The following OR2J3 variants were observed in gnomAD, a reference collection of about 807,000 sequenced individuals.
OR2J3 encodes the protein olfactory receptor family 2 subfamily J member 3.
A neutral mutation model predicts 18.5 loss-of-function variants in OR2J3; 13 were observed. The ratio of observed to expected loss-of-function variants is 0.70; its 90% CI spans 0.46 to 1.12. OR2J3 has a LOEUF of 1.12. Among genes scored for constraint, OR2J3 ranks in the 50% most tolerant of loss-of-function variants. The pLI, the probability that OR2J3 is intolerant of heterozygous loss-of-function variation, is 0.00. For missense variants in OR2J3, 321 were observed against 371.6 expected (o/e 0.86, Z 1.12); for synonymous variants, 142 against 140.6 (o/e 1.01, Z -0.07).
At chr6:29,109,752 C>A (rs1258517340) in intron 3 of OR2J3, 2 of 151,982 alleles carry the variant, frequency 1.3e-5, no homozygotes, top group Admixed American at 1.3e-4. Flanking sequence ...AAAAGCATCA[C>A]CTAGGAGTCA....
At chr6:29,108,448 T>C (rs1762004334) in intron 1 of OR2J3, 89 bp from the exon 2 acceptor site, 1 of 152,178 alleles carries the variant, frequency 6.6e-6, no homozygotes, top group African/African-American at 2.4e-5. Context: ...ACTTTTAACT[T>C]TTAATTTTTG....
At position 29,112,896 on chromosome 6, in the gene OR2J3, T is replaced by C; in HGVS notation, c.*70T>C. On this transcript the variant is annotated 3_prime_UTR_variant, in exon 4 of 4. Coordinates refer to ENST00000641151, the MANE Select transcript of OR2J3 (RefSeq NM_001005216.4). Reference sequence around the variant, plus strand: ...ACAATGATTCATCCTTCTATTTATTTATCAACCATTCTTTTATTCACTCAC... The same window carrying C: ...ACAATGATTCATCCTTCTATTTATTCATCAACCATTCTTTTATTCACTCAC... 6.7e-7 allele frequency: 1 copy of C among 1,494,592 alleles called. No homozygotes were observed. Among genetic ancestry groups the C allele is most frequent in the Non-Finnish European group, 8.9e-7 (1 of 1,124,406 alleles). 92.6% of individuals were successfully genotyped at this position (1,494,592 alleles called of 1,614,324 possible).
In OR2J3 at chr6:29,112,241, A is replaced by T. The variant is rs765162167; in HGVS notation, c.351A>T (p.Leu117=). The part of the protein sequence containing the change: ...VLALGTTECV[L]LVVMSYDRYA... Reference sequence around the variant, plus strand: ...CACTGGGAACCACAGAGTGTGTCCTACTGGTGGTGATGTCCTATGACCGTT... The same window carrying T: ...CACTGGGAACCACAGAGTGTGTCCTTCTGGTGGTGATGTCCTATGACCGTT... The change falls in exon 4 of 4, where the codon CTA becomes CTT. Residue 117 remains leucine, a synonymous_variant. Coordinates refer to ENST00000641151, the MANE Select transcript of OR2J3 (RefSeq NM_001005216.4). 6 of 1,614,080 alleles carry T rather than the reference A, an allele frequency of 3.7e-6. No homozygotes were observed. Among genetic ancestry groups the T allele is most frequent in the Non-Finnish European group, 5.1e-6 (6 of 1,180,020 alleles).
At position 29,112,392 on chromosome 6, in the gene OR2J3, T is replaced by C. The variant is rs773444579; in HGVS notation, c.502T>C (p.Trp168Arg). The change falls in exon 4 of 4, where the codon TGG becomes CGG. Residue 168 changes from tryptophan to arginine, a missense_variant. By Grantham distance (101) the Trp-to-Arg change is moderately radical. Coordinates refer to ENST00000641151, the MANE Select transcript of OR2J3 (RefSeq NM_001005216.4). ...AGCACTTCATTCCTCCTTCACCTTCTGGGTACCTCTGTGTGGACACCGCCA... is the reference window on the plus strand; with the variant it reads ...AGCACTTCATTCCTCCTTCACCTTCCGGGTACCTCTGTGTGGACACCGCCA... ...NSALHSSFTF[W>R]VPLCGHRQVD... 1 of 1,614,162 alleles carries C rather than the reference T, an allele frequency of 6.2e-7. No homozygotes were observed. Among genetic ancestry groups the C allele is most frequent in the Non-Finnish European group, 8.5e-7 (1 of 1,180,014 alleles).
chr6:29,111,555 C>A, intron 3 of OR2J3: 1 of 247,630 alleles, frequency 4.0e-6, no homozygotes, highest in Non-Finnish European at 7.7e-6. Flanking sequence ...TATTCTGTTC[C>A]CCATCAAATT....
intron 3 of OR2J3, chr6:29,109,788 T>C (rs1762059233): frequency 1.3e-5 from 2 of 152,164 alleles, no homozygotes; most frequent in Admixed American, 6.5e-5. Flanking sequence ...TATATTTTAT[T>C]TTTAACAAAA....
Position 29,112,772 on chromosome 6 carries a change from C to T in OR2J3, c.882C>T (p.Thr294=). The T allele has an allele frequency of 1.2e-6, 2 of 1,613,786 alleles. No individual in the cohort carries two copies. Among genetic ancestry groups the T allele is most frequent in the Non-Finnish European group, 1.7e-6 (2 of 1,179,802 alleles). ...VTPSLNPLIY[T]LRNKVVRGAV... ...CTAGTCTTAACCCTCTAATCTACAC[C>T]CTCAGAAACAAAGTTGTAAGAGGGG... Residue 294 remains threonine, a synonymous_variant, in exon 4 of 4, where the codon ACC becomes ACT. Transcript: ENST00000641151.
chr6:29,108,736 C>G (rs1762016737), intron 2 of OR2J3, 82 bp downstream of exon 2: 1 of 152,138 alleles, frequency 6.6e-6, no homozygotes, highest in African/African-American at 2.4e-5. Context: ...TTTATCCTTT[C>G]TTTGTGTTAA....
At position 29,114,599 on chromosome 6, in the gene OR2J3, C is replaced by A. The variant is rs562034876; in HGVS notation, c.*1773C>A. The A allele has an allele frequency of 9.2e-5, 14 of 152,252 alleles. No homozygotes were observed. Among genetic ancestry groups the A allele is most frequent in the Admixed American group, 1.3e-4 (2 of 15,278 alleles). The allele number at this position is 152,252 out of a possible 1,614,324, so 9.4% of individuals were successfully genotyped here. On this transcript the variant is annotated 3_prime_UTR_variant, in exon 4 of 4. Coordinates refer to ENST00000641151, the MANE Select transcript of OR2J3 (RefSeq NM_001005216.4). ...ATACTTACCTGTTTTGTGGTGAGAA[C>A]ATTTAGGATCTATTATCTTAGCAGT...
rs757035122 is a variant in OR2J3, at chr6:29,112,262, C to T, written c.372C>T (p.Asp124=). 1.5e-5 allele frequency: 24 copies of T among 1,614,010 alleles called. No individual in the cohort carries two copies. The highest frequency in any genetic ancestry group is 1.6e-4 in the Middle Eastern group (1 of 6,084). The change falls in exon 4 of 4, where the codon GAC becomes GAT. Residue 124 remains aspartate, a synonymous_variant. Coordinates refer to ENST00000641151, the MANE Select transcript of OR2J3 (RefSeq NM_001005216.4). ...ECVLLVVMSY[D]RYAAVCRPLH... The stretch of plus-strand genomic sequence containing the variant: ...TCCTACTGGTGGTGATGTCCTATGA[C>T]CGTTATGCAGCTGTGTGTAGACCTT...
chr6:29,112,077 T>A lies in OR2J3; in HGVS notation c.187T>A (p.Tyr63Asn), dbSNP rs768177742. The change falls in exon 4 of 4, where the codon TAC becomes AAC. Residue 63 changes from tyrosine to asparagine, a missense_variant. Tyr to Asn is a moderately radical substitution (Grantham distance 143). Coordinates refer to ENST00000641151, the MANE Select transcript of OR2J3 (RefSeq NM_001005216.4). Reference protein sequence around the residue: ...YLDSHLHTPMYFFLSNLSFLD... With the variant: ...YLDSHLHTPMNFFLSNLSFLD... ...GGACTCCCATCTGCACACACCAATG[T>A]ACTTCTTCCTTTCAAACCTCTCATT... The A allele has an allele frequency of 3.7e-6, 6 of 1,614,046 alleles. No individual in the cohort carries two copies. In the African/African-American group the frequency reaches 8.0e-5, roughly 22 times the overall value.
Position 29,112,686 on chromosome 6 carries a change from C to T in OR2J3, c.796C>T (p.Pro266Ser). 2 of 1,614,044 alleles carry T rather than the reference C, an allele frequency of 1.2e-6. No individual in the cohort carries two copies. Among genetic ancestry groups the T allele is most frequent in the Non-Finnish European group, 1.7e-6 (2 of 1,179,974 alleles). ...IPAMCMYLQP[P>S]SGNSQDQGKF... ...GGCCATGTGCATGTATCTCCAGCCACCATCAGGAAATTCTCAAGATCAAGG... is the reference window on the plus strand; with the variant it reads ...GGCCATGTGCATGTATCTCCAGCCATCATCAGGAAATTCTCAAGATCAAGG... The change falls in exon 4 of 4, where the codon CCA becomes TCA. Residue 266 changes from proline (P) to serine (S), a missense_variant. Physicochemically the swap from Pro to Ser is moderately conservative, Grantham distance 74. Coordinates refer to ENST00000641151, the MANE Select transcript of OR2J3 (RefSeq NM_001005216.4).
rs755458130 is a variant in OR2J3, at chr6:29,112,462, C to T, written c.572C>T (p.Ser191Leu). 12 of 1,613,954 alleles carry T rather than the reference C, an allele frequency of 7.4e-6. No individual in the cohort carries two copies. Among genetic ancestry groups the T allele is most frequent in the East Asian group, 4.5e-5 (2 of 44,888 alleles). ...FCEVPALLRL[S>L]CVDTHVNELT... ...GAAGTTCCAGCACTTCTGCGATTATCGTGTGTTGATACCCATGTCAATGAG... is the reference window on the plus strand; with the variant it reads ...GAAGTTCCAGCACTTCTGCGATTATTGTGTGTTGATACCCATGTCAATGAG... Residue 191 changes from serine (S) to leucine (L), a missense_variant, in exon 4 of 4, where the codon TCG (serine) becomes TTG (leucine). Coordinates refer to ENST00000641151, the MANE Select transcript of OR2J3 (RefSeq NM_001005216.4).
At chr6:29,111,422 A>G (rs55935025) in intron 3 of OR2J3, 5,841 of 159,460 alleles carry the variant, frequency 0.037, 148 homozygotes, top group South Asian at 0.092. Flanking sequence ...CTTAAGATCA[A>G]TAAAATCACT....
At position 29,113,094 on chromosome 6, in the gene OR2J3, C is replaced by G; in HGVS notation, c.*268C>G. 3 of 375,678 alleles carry G rather than the reference C, an allele frequency of 8.0e-6. No individual in the cohort carries two copies. In the South Asian group the frequency reaches 3.2e-4, roughly 41 times the overall value. 23.3% of individuals were successfully genotyped at this position (375,678 alleles called of 1,614,324 possible). A position where few individuals can be genotyped will look rare whatever the true frequency, so the allele number is the denominator to read the frequency against. On this transcript the variant is annotated 3_prime_UTR_variant, in exon 4 of 4. Transcript: ENST00000641151. ...TTCCATGGTACAAACCTAATGTATC[C>G]AAGACAGACATTTCTCGATTGAAAA... is the stretch of plus-strand genomic sequence containing the variant.
chr6:29,111,254 A>G (rs1292670995), intron 3 of OR2J3, among the ~76,000 whole-genome samples: 1 of 152,022 alleles, frequency 6.6e-6, no homozygotes, highest in African/African-American at 2.4e-5. Context: ...TAGGCAAGCT[A>G]TTTCTCTCAA....
chr6:29,110,245 G>A (rs1388727259), intron 3 of OR2J3, among the ~76,000 whole-genome samples: 2 of 152,068 alleles, frequency 1.3e-5, no homozygotes, highest in Non-Finnish European at 2.9e-5. Flanking sequence ...CCCATATATT[G>A]ATGAGCAAGT....
chr6:29,113,031 C>G lies in OR2J3; in HGVS notation c.*205C>G. ...TACCATTCACTTGTGGAGAAAACAGCTATGTAAAATCAAGATAAAACATCT... is the reference window on the plus strand; with the variant it reads ...TACCATTCACTTGTGGAGAAAACAGGTATGTAAAATCAAGATAAAACATCT... On this transcript the variant is annotated 3_prime_UTR_variant, in exon 4 of 4. Transcript: ENST00000641151. 1.7e-6 allele frequency: 1 copy of G among 579,792 alleles called. No individual in the cohort carries two copies. The highest frequency in any genetic ancestry group is 2.7e-5 in the South Asian group (1 of 36,678). The allele number at this position is 579,792 out of a possible 1,614,324, so 35.9% of individuals were successfully genotyped here. A position where few individuals can be genotyped will look rare whatever the true frequency, so the allele number is the denominator to read the frequency against.
At position 29,112,229 on chromosome 6, in the gene OR2J3, A is replaced by AGTAG. The variant is rs1316215650; in HGVS notation, c.340_341insTAGG (p.Glu114ValfsTer12). On this transcript the variant is annotated frameshift_variant, in exon 4 of 4. Coordinates refer to ENST00000641151, the MANE Select transcript of OR2J3 (RefSeq NM_001005216.4). LOFTEE classifies it high-confidence loss of function. ...ACTTTGTTCTCGCACTGGGAACCAC[A>AGTAG]GAGTGTGTCCTACTGGTGGTGATGT... 6.2e-7 allele frequency: 1 copy of AGTAG among 1,614,168 alleles called. No individual in the cohort carries two copies. The highest frequency in any genetic ancestry group is 1.1e-5 in the South Asian group (1 of 91,082).
Sources: gnomAD v4.1 joint callset for allele counts (sites outside exome capture counted in the v4.1 genomes callset) on GRCh38, gnomAD v4.1.1 for gene constraint, MANE v1.5 for transcripts, NCBI Gene and HGNC (gene_info 2026-07-23, HGNC 2026-07-21) for gene names.